The following NBEAL1 variants were observed in gnomAD, a reference collection of about 807,000 sequenced individuals.
The protein encoded by NBEAL1 is neurobeachin like 1.
NBEAL1 carries 273 observed loss-of-function variants against 351.3 expected under a neutral mutation model. The ratio of observed to expected loss-of-function variants is 0.78; its 90% confidence interval spans 0.70 to 0.86. The LOEUF (loss-of-function observed/expected upper bound fraction) is 0.86. Ranked by LOEUF, NBEAL1 falls within the 40% of genes least tolerant of loss-of-function variation. The probability of loss-of-function intolerance (pLI) is 0.00; values close to 1 mark genes in which losing one functional copy is unlikely to be tolerated. For missense variants in NBEAL1, 2,961 were observed against 3,201.3 expected (o/e 0.92, Z 1.81); for synonymous variants, 1,050 against 1,086.4 (o/e 0.97, Z 0.66).
In NBEAL1 at chr2:203,097,673, A is replaced by C. The variant is rs1282513541; in HGVS notation, c.1185+40A>C. The stretch of plus-strand genomic sequence containing the variant: ...TGCATCTTGTTTCAGCTGAAGTCCA[A>C]AATCAGCCAATGGGAATAACTATTC... On this transcript the variant is annotated intron_variant, in intron 11 of 55. Transcript: ENST00000683969. 8 of 804,478 alleles carry C rather than the reference A, an allele frequency of 9.9e-6. No homozygotes were observed. In the East Asian group the frequency reaches 5.0e-4, roughly 51 times the overall value. 49.8% of individuals were successfully genotyped at this position (804,478 alleles called of 1,614,324 possible).
intron 38 of NBEAL1, among the ~76,000 whole-genome samples, chr2:203,168,507 TG>T (rs1454349113): frequency 6.6e-6 from 1 of 152,198 alleles, no homozygotes; most frequent in Non-Finnish European, 1.5e-5. Context: ...CACTTGAACC[TG>T]GGAGGCAGAG....
chr2:203,215,699 A>G (rs1241499430), intron 55 of NBEAL1, among the ~76,000 whole-genome samples: 2 of 151,712 alleles, frequency 1.3e-5, no homozygotes, highest in Admixed American at 6.6e-5. Context: ...AAAAAAAAAA[A>G]AAGAAAAGTG....
At chr2:203,122,389 A>G (rs1183467216) in intron 19 of NBEAL1, 46 bp downstream of exon 19, 1 of 1,178,660 alleles carries the variant, frequency 8.5e-7, no homozygotes, top group South Asian at 1.4e-5. Flanking sequence ...TAATTTACTG[A>G]TACTCTTATT....
At chr2:203,033,209 C>G (rs1244456886) in intron 2 of NBEAL1, among the ~76,000 whole-genome samples, 1 of 151,952 alleles carries the variant, frequency 6.6e-6, no homozygotes, top group African/African-American at 2.4e-5. Context: ...ACAGTGTTAG[C>G]CAGGATGGTC....
At position 203,077,806 on chromosome 2, in the gene NBEAL1, A is replaced by C; in HGVS notation, c.653A>C (p.His218Pro). 3 of 1,474,534 alleles carry C rather than the reference A, an allele frequency of 2.0e-6. No individual in the cohort carries two copies. Among genetic ancestry groups the C allele is most frequent in the Non-Finnish European group, 2.7e-6 (3 of 1,108,226 alleles). 91.3% of individuals were successfully genotyped at this position (1,474,534 alleles called of 1,614,324 possible). A position where few individuals can be genotyped will look rare whatever the true frequency, so the allele number is the denominator to read the frequency against. The change falls in exon 8 of 56, where the codon CAT becomes CCT. Residue 218 changes from histidine (H) to proline (P), a missense_variant. Transcript: ENST00000683969. ...GAAAGTCTTAAATGTTGCTTATTGC[A>C]TCTCTTTGGAGCCATTGTAGCCGGT... ...LKESLKCCLL[H>P]LFGAIVAGGQ...
Position 203,136,561 on chromosome 2 carries a change from C to A in NBEAL1, c.4390-38C>A, listed in dbSNP as rs755558947. On this transcript the variant is annotated intron_variant, in intron 28 of 55. Transcript: ENST00000683969. ...TTATGATGTGCTTTGAACAACTACA[C>A]CCTCTAGTTATTTAAAATTACTTTA... 96 of 1,421,104 alleles carry A rather than the reference C, an allele frequency of 6.8e-5. No homozygotes were observed. In the Middle Eastern group the frequency reaches 7.0e-4, roughly 10 times the overall value. 88.0% of individuals were successfully genotyped at this position (1,421,104 alleles called of 1,614,324 possible). A position where few individuals can be genotyped will look rare whatever the true frequency, so the allele number is the denominator to read the frequency against.
chr2:203,020,490 G>A (rs925715701), intron 2 of NBEAL1, among the ~76,000 whole-genome samples: 2 of 152,114 alleles, frequency 1.3e-5, no homozygotes, highest in Middle Eastern at 3.4e-3. Flanking sequence ...GGCCAGCATG[G>A]TGAGACCCCG....
chr2:203,169,388 T>TAAAAA (rs1208449990), intron 38 of NBEAL1, among the ~76,000 whole-genome samples: 1 of 89,624 alleles, frequency 1.1e-5, no homozygotes, highest in African/African-American at 4.4e-5. Context: ...TTGAATATAG[T>TAAAAA]AAAAAAAAAA....
At chr2:203,175,403 A>T in intron 42 of NBEAL1, 116 bp downstream of exon 42, 1 of 1,050,084 alleles carries the variant, frequency 9.5e-7, no homozygotes, top group Middle Eastern at 2.3e-4. Context: ...TTAAATTTTG[A>T]TCAGCTAAAA....
chr2:203,039,130 G>C (rs1338089884), intron 2 of NBEAL1, among the ~76,000 whole-genome samples: 1 of 148,010 alleles, frequency 6.8e-6, no homozygotes, highest in East Asian at 1.9e-4. Context: ...TCAGTCTAGT[G>C]TTGTCTTTCT....
chr2:203,066,293 A>C (rs1371858805), intron 6 of NBEAL1, among the ~76,000 whole-genome samples: 1 of 151,192 alleles, frequency 6.6e-6, no homozygotes, highest in African/African-American at 2.4e-5. Flanking sequence ...TCGTGGAAAA[A>C]CCTAACTGAA....
At chr2:203,029,704 AAAAG>A (rs989523958) in intron 2 of NBEAL1, among the ~76,000 whole-genome samples, 2 of 151,942 alleles carry the variant, frequency 1.3e-5, no homozygotes, top group African/African-American at 4.8e-5. Context: ...AAAAAAAAAA[AAAAG>A]CTAATAAAAA....
chr2:203,099,796 G>A lies in NBEAL1; in HGVS notation c.1269+84G>A, dbSNP rs1464912338. 4 of 862,580 alleles carry A rather than the reference G, an allele frequency of 4.6e-6. 1 individual carries two copies. The highest frequency in any genetic ancestry group is 5.9e-4 in the Middle Eastern group (2 of 3,406). 53.4% of individuals were successfully genotyped at this position (862,580 alleles called of 1,614,324 possible). On this transcript the variant is annotated intron_variant, in intron 12 of 55. Coordinates refer to ENST00000683969, the MANE Select transcript of NBEAL1 (RefSeq NM_001378026.1). ...GTACATGTGCAGGTTTGTTATATAG[G>A]TAAATTGGATATCATGGGGATTTGG...
At chr2:203,044,792 C>T (rs551205057) in intron 3 of NBEAL1, among the ~76,000 whole-genome samples, 2 of 152,206 alleles carry the variant, frequency 1.3e-5, no homozygotes, top group Admixed American at 1.3e-4. Flanking sequence ...AGTAAACTGA[C>T]CTTAGAGAAT....
intron 36 of NBEAL1, among the ~76,000 whole-genome samples, chr2:203,160,733 G>T (rs553906566): frequency 2.0e-5 from 3 of 152,076 alleles, no homozygotes; most frequent in African/African-American, 4.8e-5. Context: ...TTACTTTCCC[G>T]AACTAATTCT....
At chr2:203,179,472 C>A (rs1216071823) in intron 42 of NBEAL1, among the ~76,000 whole-genome samples, 1 of 151,826 alleles carries the variant, frequency 6.6e-6, no homozygotes. Context: ...CATAGTGAGA[C>A]CCTCATCTCT....
chr2:203,172,875 T>C (rs1234549296), intron 41 of NBEAL1, 22 bp downstream of exon 41: 2 of 1,575,548 alleles, frequency 1.3e-6, no homozygotes, highest in African/African-American at 2.7e-5. Context: ...TTATTCCTTT[T>C]ATAAAATACA....
At chr2:203,199,152 A>G (rs964242257) in intron 48 of NBEAL1, among the ~76,000 whole-genome samples, 186 bp from the exon 49 acceptor site, 2 of 152,220 alleles carry the variant, frequency 1.3e-5, no homozygotes, top group African/African-American at 4.8e-5. Context: ...CAAAAATAAA[A>G]GATAAAAAAA....
chr2:203,074,284 T>C (rs2061730743), intron 7 of NBEAL1, among the ~76,000 whole-genome samples: 1 of 151,758 alleles, frequency 6.6e-6, no homozygotes, highest in African/African-American at 2.4e-5. Context: ...TCTGCAAATG[T>C]TGGGGGAGTT....
Sources: gnomAD v4.1 joint callset for allele counts (sites outside exome capture counted in the v4.1 genomes callset) on GRCh38, gnomAD v4.1.1 for gene constraint, MANE v1.5 for transcripts, NCBI Gene and HGNC (gene_info 2026-07-23, HGNC 2026-07-21) for gene names.